RABGAP1L: variants seen among roughly 807,000 people sequenced by gnomAD.
RABGAP1L encodes the protein RAB GTPase activating protein 1 like.
A neutral mutation model predicts 137.7 loss-of-function variants in RABGAP1L; 63 were observed. The observed-to-expected ratio is 0.46, with a 90% CI of 0.37 to 0.56. The LOEUF is 0.56. Among genes scored for constraint, RABGAP1L ranks in the 20% least tolerant of loss-of-function variants. The probability of loss-of-function intolerance (pLI) is 0.00; values close to 1 mark genes in which losing one functional copy is unlikely to be tolerated. For missense variants in RABGAP1L, 1,095 were observed against 1,244.0 expected, an observed-to-expected ratio of 0.88 and a Z score of 1.80; for synonymous variants, 431 against 433.7, an observed-to-expected ratio of 0.99 and a Z score of 0.08.
chr1:174,165,050 T>C (rs1173593689), intron 1 of RABGAP1L, among the ~76,000 whole-genome samples: 1 of 152,152 alleles, frequency 6.6e-6, no homozygotes, highest in Non-Finnish European at 1.5e-5. Flanking sequence ...AGGTGGGGGA[T>C]TAAATATGGA....
chr1:174,812,846 G>A (rs911819246), intron 19 of RABGAP1L, among the ~76,000 whole-genome samples: 8 of 152,118 alleles, frequency 5.3e-5, no homozygotes, highest in African/African-American at 1.9e-4. Context: ...AAGGAGATGA[G>A]AGATTAGTCA....
At chr1:174,431,721 A>C (rs1039054173) in intron 13 of RABGAP1L, among the ~76,000 whole-genome samples, 3 of 152,196 alleles carry the variant, frequency 2.0e-5, no homozygotes, top group African/African-American at 7.2e-5. Context: ...CCTAATTCTT[A>C]TGGAAATCAA....
intron 1 of RABGAP1L, among the ~76,000 whole-genome samples, chr1:174,189,447 C>T (rs1667049377): frequency 6.6e-6 from 1 of 152,236 alleles, no homozygotes; most frequent in East Asian, 1.9e-4. Context: ...TACTGCTTCA[C>T]TTTATACTTA....
At chr1:174,717,602 A>G (rs1308136733) in intron 17 of RABGAP1L, among the ~76,000 whole-genome samples, 1 of 152,246 alleles carries the variant, frequency 6.6e-6, no homozygotes. Context: ...AATATGAGTC[A>G]ACCTTAAAAC....
At chr1:174,854,619 C>A (rs1327363673) in intron 19 of RABGAP1L, among the ~76,000 whole-genome samples, 1 of 142,204 alleles carries the variant, frequency 7.0e-6, no homozygotes, top group Non-Finnish European at 1.5e-5. Context: ...CCTAAGCAAG[C>A]AGGAAATGAG....
chr1:174,614,331 G>A (rs1316038235), intron 13 of RABGAP1L, among the ~76,000 whole-genome samples: 1 of 152,118 alleles, frequency 6.6e-6, no homozygotes, highest in Admixed American at 6.5e-5. Flanking sequence ...TAGTTTGGCT[G>A]GATATGAAAT....
In RABGAP1L at chr1:174,395,980, A is replaced by G. The variant is rs143549423; in HGVS notation, c.1710+1835A>G. Among the ~76,000 whole-genome samples, 196 of 152,276 alleles carry G rather than the reference A, an allele frequency of 1.3e-3. 1 individual carries two copies. Among genetic ancestry groups the G allele is most frequent in the African/African-American group, 4.6e-3 (192 of 41,554 alleles). On this transcript the variant is annotated intron_variant, in intron 13 of 25. Coordinates refer to ENST00000681986, the MANE Select transcript of RABGAP1L (RefSeq NM_001366446.1). ...GGATCTTTGTAAGTCTTTTTTAGAT[A>G]TGATAACAAAACCATGAATCAAAAA...
chr1:174,387,414 T>C (rs1371573643), intron 12 of RABGAP1L, among the ~76,000 whole-genome samples: 1 of 152,200 alleles, frequency 6.6e-6, no homozygotes, highest in Non-Finnish European at 1.5e-5. Context: ...GTAAGCATTG[T>C]AGACCTAATG....
At chr1:174,433,642 T>C (rs2149204404) in intron 13 of RABGAP1L, among the ~76,000 whole-genome samples, 1 of 152,294 alleles carries the variant, frequency 6.6e-6, no homozygotes, top group South Asian at 2.1e-4. Context: ...GTACAAACAC[T>C]GAGCCATGAG....
intron 13 of RABGAP1L, among the ~76,000 whole-genome samples, chr1:174,530,855 A>G (rs927327292): frequency 3.9e-5 from 6 of 152,110 alleles, no homozygotes; most frequent in South Asian, 4.2e-4. Context: ...TTGTGTAGGG[A>G]ACATGCAGGG....
intron 13 of RABGAP1L, among the ~76,000 whole-genome samples, chr1:174,416,334 C>T (rs1479178865): frequency 6.6e-6 from 1 of 152,002 alleles, no homozygotes; most frequent in African/African-American, 2.4e-5. Context: ...CAGAAAGAAA[C>T]TGTAGACCTG....
intron 1 of RABGAP1L, among the ~76,000 whole-genome samples, chr1:174,203,815 G>A (rs907134949): frequency 4.6e-5 from 7 of 152,094 alleles, no homozygotes; most frequent in African/African-American, 1.7e-4. Context: ...CTACCTCGTG[G>A]TTGGCTGTAT....
At chr1:174,870,283 C>T (rs1651967359) in intron 19 of RABGAP1L, among the ~76,000 whole-genome samples, 3 of 152,306 alleles carry the variant, frequency 2.0e-5, no homozygotes, top group African/African-American at 7.2e-5. Flanking sequence ...AAAATTATTT[C>T]ACTTTGCCTA....
Position 174,364,243 on chromosome 1 carries a change from C to CTTTTTT in RABGAP1L, c.1466-6712_1466-6707dup, listed in dbSNP as rs1054313083. Among the ~76,000 whole-genome samples, 59 of 81,176 alleles carry CTTTTTT rather than the reference C, an allele frequency of 7.3e-4. 8 individuals carry two copies. Among genetic ancestry groups the CTTTTTT allele is most frequent in the African/African-American group, 2.4e-3 (33 of 13,582 alleles). The allele number at this position is 81,176 out of a possible 152,430, so 53.3% of individuals were successfully genotyped here. ...TTGTTCTGTTCAGCTTTTGGATTTC[C>CTTTTTT]TTTTTTTTTTTTTTTTTTTTTTTTT... On this transcript the variant is annotated intron_variant, in intron 11 of 25. Transcript: ENST00000681986.
At chr1:174,749,873 CTTTAT>C (rs1684203274) in intron 17 of RABGAP1L, among the ~76,000 whole-genome samples, 1 of 151,926 alleles carries the variant, frequency 6.6e-6, no homozygotes, top group Admixed American at 6.6e-5. Flanking sequence ...TTCAAGGAAT[CTTTAT>C]TTTATTTTAT....
At chr1:174,162,995 A>G (rs965544289) in intron 1 of RABGAP1L, among the ~76,000 whole-genome samples, 1 of 149,240 alleles carries the variant, frequency 6.7e-6, no homozygotes, top group Non-Finnish European at 1.5e-5. Flanking sequence ...ATGCTAGATG[A>G]TGAGTTAGTG....
chr1:174,331,659 ACT>A (rs1307372854), intron 11 of RABGAP1L, among the ~76,000 whole-genome samples: 2 of 151,304 alleles, frequency 1.3e-5, no homozygotes, highest in Non-Finnish European at 2.9e-5. Context: ...AGAAAGAAGA[ACT>A]CTCTTTTTTT....
chr1:174,272,517 T>C (rs1674641893), intron 8 of RABGAP1L, 37 bp downstream of exon 8: 4 of 1,451,296 alleles, frequency 2.8e-6, no homozygotes, highest in Non-Finnish European at 2.7e-6. Context: ...CAAGTATAGA[T>C]GATAGTTATT....
intron 7 of RABGAP1L, among the ~76,000 whole-genome samples, chr1:174,255,904 A>G (rs1036863025): frequency 6.6e-6 from 1 of 152,188 alleles, no homozygotes; most frequent in Non-Finnish European, 1.5e-5. Flanking sequence ...AGTGAGTTAA[A>G]TACATCGTGG....
Sources: allele counts gnomAD v4.1 joint callset (sites outside exome capture counted in the v4.1 genomes callset), GRCh38; gene constraint gnomAD v4.1.1; transcripts MANE v1.5; gene names NCBI Gene and HGNC (gene_info 2026-07-23, HGNC 2026-07-21).